The following EYA4 variants were observed in gnomAD, a reference collection of about 807,000 sequenced individuals.
EYA4 encodes EYA transcriptional coactivator and phosphatase 4.
EYA4 carries 31 observed loss-of-function variants against 87.9 expected under a neutral mutation model. The ratio of observed to expected loss-of-function variants is 0.35; its 90% CI spans 0.27 to 0.48. The LOEUF (loss-of-function observed/expected upper bound fraction) is 0.48, where lower values mean the gene tolerates loss of function less well. EYA4 is among the 20% of genes least tolerant of loss of function. The pLI, the probability that EYA4 is intolerant of heterozygous loss-of-function variation, is 0.99. For missense variants in EYA4, 678 were observed against 761.4 expected (o/e 0.89, Z 1.29); for synonymous variants, 263 against 270.6 (o/e 0.97, Z 0.28).
At chr6:133,275,454 G>A (rs978984527) in intron 2 of EYA4, among the ~76,000 whole-genome samples, 5 of 151,946 alleles carry the variant, frequency 3.3e-5, no homozygotes, top group African/African-American at 4.8e-5. Flanking sequence ...GGAAGCTGTC[G>A]TTTGAGCTGT....
At chr6:133,443,710 A>G (rs191308584) in intron 3 of EYA4, among the ~76,000 whole-genome samples, 1 of 152,164 alleles carries the variant, frequency 6.6e-6, no homozygotes, top group Non-Finnish European at 1.5e-5. Flanking sequence ...GTTTGATTTG[A>G]TCTTTTCATT....
chr6:133,395,552 G>A (rs559529937), intron 3 of EYA4, among the ~76,000 whole-genome samples: 17 of 152,256 alleles, frequency 1.1e-4, no homozygotes, highest in African/African-American at 3.9e-4. Flanking sequence ...TTGAATTCAG[G>A]AGTTTGAGAC....
intron 2 of EYA4, among the ~76,000 whole-genome samples, chr6:133,296,337 T>C (rs1057272173): frequency 2.0e-5 from 3 of 152,184 alleles, no homozygotes; most frequent in Non-Finnish European, 4.4e-5. Flanking sequence ...GTCAAGTCAC[T>C]GGAAGGCTTT....
At chr6:133,417,914 A>ATT (rs1789878391) in intron 3 of EYA4, among the ~76,000 whole-genome samples, 1 of 152,006 alleles carries the variant, frequency 6.6e-6, no homozygotes, top group Non-Finnish European at 1.5e-5. Context: ...TAGGGTCTGA[A>ATT]TTTTCTTCTG....
Position 133,370,601 on chromosome 6 carries a change from C to T in EYA4, c.34-11791C>T, listed in dbSNP as rs535060043. On this transcript the variant is annotated intron_variant, in intron 2 of 19. Coordinates refer to ENST00000355286, the MANE Select transcript of EYA4 (RefSeq NM_004100.5). ...TTAATGTTGGGAGAAATGCAGGTAA[C>T]GTGATAAGTGATAATAGATTACATT... is the stretch of plus-strand genomic sequence containing the variant. 6.6e-5 allele frequency among the ~76,000 whole-genome samples: 10 copies of T among 152,240 alleles called. No individual in the cohort carries two copies. In the South Asian group the frequency reaches 1.4e-3, roughly 22 times the overall value.
chr6:133,444,907 C>T (rs963243760), intron 3 of EYA4, among the ~76,000 whole-genome samples: 2 of 152,154 alleles, frequency 1.3e-5, no homozygotes, highest in South Asian at 2.1e-4. Flanking sequence ...CCATAGTCAG[C>T]TTTTTATTGG....
chr6:133,379,761 C>T (rs770218355), intron 2 of EYA4, among the ~76,000 whole-genome samples: 7 of 152,098 alleles, frequency 4.6e-5, no homozygotes, highest in Non-Finnish European at 7.4e-5. Flanking sequence ...TAATGATGTA[C>T]CAGATCAATG....
chr6:133,243,095 T>C (rs1423409183), intron 1 of EYA4, among the ~76,000 whole-genome samples: 3 of 150,966 alleles, frequency 2.0e-5, no homozygotes, highest in Non-Finnish European at 4.4e-5. Flanking sequence ...ACTTCGTGTG[T>C]GTGTGTGTGT....
At chr6:133,317,906 A>G (rs929744293) in intron 2 of EYA4, among the ~76,000 whole-genome samples, 3 of 137,136 alleles carry the variant, frequency 2.2e-5, no homozygotes, top group Non-Finnish European at 4.7e-5. Flanking sequence ...CCGGTGCCCC[A>G]TCCACCCACC....
At chr6:133,485,509 C>A (rs775759366) in intron 13 of EYA4, among the ~76,000 whole-genome samples, 5 of 152,154 alleles carry the variant, frequency 3.3e-5, no homozygotes, top group Non-Finnish European at 7.3e-5. Context: ...GTGGCAGAGA[C>A]GAGTCCTGGG....
intron 2 of EYA4, among the ~76,000 whole-genome samples, chr6:133,320,653 C>A (rs6926046): frequency 6.6e-6 from 1 of 152,012 alleles, no homozygotes; most frequent in Non-Finnish European, 1.5e-5. Flanking sequence ...ACCTAATAGG[C>A]AATTTTTCAA....
intron 2 of EYA4, among the ~76,000 whole-genome samples, chr6:133,365,283 A>G (rs1384656365): frequency 1.3e-5 from 2 of 152,192 alleles, no homozygotes; most frequent in African/African-American, 2.4e-5. Context: ...TAGCTTGCAC[A>G]TAGGGTAAAA....
chr6:133,300,627 G>T (rs1779332146), intron 2 of EYA4, among the ~76,000 whole-genome samples: 1 of 152,190 alleles, frequency 6.6e-6, no homozygotes, highest in South Asian at 2.1e-4. Context: ...CAACTCCCCT[G>T]CCTCAGCCTC....
intron 11 of EYA4, among the ~76,000 whole-genome samples, chr6:133,478,101 C>T (rs1795899879): frequency 6.6e-6 from 1 of 151,968 alleles, no homozygotes; most frequent in Admixed American, 6.6e-5. Flanking sequence ...CTAACAATAT[C>T]AAGTATTGAC....
intron 1 of EYA4, among the ~76,000 whole-genome samples, 183 bp from the exon 2 acceptor site, chr6:133,274,533 A>G (rs1263236164): frequency 6.6e-6 from 1 of 152,170 alleles, no homozygotes; most frequent in African/African-American, 2.4e-5. Context: ...CACTTTTACC[A>G]TGACACTATT....
chr6:133,467,860 T>G (rs1583363709), intron 10 of EYA4, among the ~76,000 whole-genome samples: 1 of 152,034 alleles, frequency 6.6e-6, no homozygotes, highest in Non-Finnish European at 1.5e-5. Context: ...TTTGAATCAT[T>G]TTAAGGTTCT....
chr6:133,381,075 C>CTTTTT (rs5880181), intron 2 of EYA4, among the ~76,000 whole-genome samples: 1 of 96,820 alleles, frequency 1.0e-5, no homozygotes, highest in Non-Finnish European at 1.9e-5. Flanking sequence ...TTTTTTTTTT[C>CTTTTT]TTTTTTTTTT....
At chr6:133,242,468 A>G (rs1263580185) in intron 1 of EYA4, among the ~76,000 whole-genome samples, 1 of 152,066 alleles carries the variant, frequency 6.6e-6, no homozygotes, top group Non-Finnish European at 1.5e-5. Context: ...GAAGGCTTAT[A>G]ACTTCTCCAA....
intron 2 of EYA4, among the ~76,000 whole-genome samples, chr6:133,310,647 A>G (rs1057366655): frequency 6.6e-6 from 1 of 152,334 alleles, no homozygotes; most frequent in South Asian, 2.1e-4. Flanking sequence ...TGATTTCAAG[A>G]CTTCAGTGAC....
Sources: allele counts gnomAD v4.1 joint callset (sites outside exome capture counted in the v4.1 genomes callset), GRCh38; gene constraint gnomAD v4.1.1; transcripts MANE v1.5; gene names NCBI Gene and HGNC (gene_info 2026-07-23, HGNC 2026-07-21).